CFI: variants seen among roughly 807,000 people sequenced by gnomAD.
CFI encodes the protein C3B/C4B inactivator.
In CFI, 66 loss-of-function variants were observed where a neutral mutation model predicts 78.8. That is an observed-to-expected ratio of 0.84 (90% CI 0.69 to 1.03). CFI has a LOEUF of 1.03. Among genes scored for constraint, CFI ranks in the 50% least tolerant of loss-of-function variants. The pLI, the probability that CFI is intolerant of heterozygous loss-of-function variation, is 0.00. For synonymous variants in CFI, 250 were observed against 232.6 expected (o/e 1.07, Z -0.68); for missense variants, 706 against 704.5 (o/e 1.00, Z -0.02).
In CFI at chr4:109,777,336, T is replaced by C. The variant is rs149354817; in HGVS notation, c.58-10512A>G. Among the ~76,000 whole-genome samples the C allele has an allele frequency of 9.8e-4, 149 of 152,164 alleles. 1 individual carries two copies. Among genetic ancestry groups the C allele is most frequent in the African/African-American group, 3.4e-3 (143 of 41,494 alleles). On this transcript the variant is annotated intron_variant, in intron 1 of 12. Transcript: ENST00000394634. ...AAAAAGGCAGGGGTTGCAATCCTAGTCTCGGATAAAACAGACTTTAAACCA... is the reference window on the plus strand; with the variant it reads ...AAAAAGGCAGGGGTTGCAATCCTAGCCTCGGATAAAACAGACTTTAAACCA...
At chr4:109,734,026 G>C in the CFI span, among the ~76,000 whole-genome samples, 4 of 152,162 alleles carry the variant, frequency 2.6e-5, no homozygotes, top group South Asian at 8.3e-4. Context: ...ACAAAAATTA[G>C]CCAGGCATGG....
At chr4:109,733,149 T>C in the CFI span, among the ~76,000 whole-genome samples, 1 of 152,018 alleles carries the variant, frequency 6.6e-6, no homozygotes, top group Non-Finnish European at 1.5e-5. Context: ...TTTTTTGTAT[T>C]TTTAGTAGCA....
chr4:109,749,572 T>G lies in CFI; in HGVS notation c.971A>C (p.Lys324Thr). ...ERRRIKSLLPKLSCGVKNRMH... is the reference protein window; with the variant it reads ...ERRRIKSLLPTLSCGVKNRMH... The stretch of plus-strand genomic sequence containing the variant: ...TCTGTTTTTAACTCCACAAGATAGT[T>G]TAGGTAATAATGATTTTATCCGTCT... Residue 324 changes from lysine to threonine, a missense_variant, in exon 9 of 13, where the codon AAA (lysine) becomes ACA (threonine). Transcript: ENST00000394634. 6.2e-7 allele frequency: 1 copy of G among 1,610,592 alleles called. No individual in the cohort carries two copies. The highest frequency in any genetic ancestry group is 8.5e-7 in the Non-Finnish European group (1 of 1,176,814).
intron 3 of CFI, 61 bp from the exon 4 acceptor site, chr4:109,761,753 T>C: frequency 7.3e-7 from 1 of 1,368,562 alleles, no homozygotes. Context: ...TTTATAACCC[T>C]ACTGTAGCAG....
chr4:109,761,822 A>G (rs1343697310), intron 3 of CFI, 130 bp from the exon 4 acceptor site: 1 of 751,578 alleles, frequency 1.3e-6, no homozygotes, highest in Non-Finnish European at 2.3e-6. Context: ...CTTGGGCAAG[A>G]TACCGAAACT....
At chr4:109,736,926 C>T (rs1469036999), downstream of CFI, among the ~76,000 whole-genome samples, 2 of 152,186 alleles carry the variant, frequency 1.3e-5, no homozygotes, top group African/African-American at 4.8e-5. Context: ...TACTCAGTGG[C>T]AACACCAATC....
chr4:109,760,707 G>T (rs968849744), intron 4 of CFI, 71 bp from the exon 5 acceptor site: 4 of 898,460 alleles, frequency 4.5e-6, no homozygotes, highest in Non-Finnish European at 5.7e-6. Context: ...TCAGATTTTT[G>T]GGATAATGGA....
chr4:109,741,151 C>T, intron 12 of CFI, 41 bp from the exon 13 acceptor site: 2 of 1,613,026 alleles, frequency 1.2e-6, no homozygotes, highest in Non-Finnish European at 1.7e-6. Flanking sequence ...ACATTTCCTT[C>T]CATTTTTCAA....
downstream of CFI, among the ~76,000 whole-genome samples, chr4:109,737,566 A>G (rs576875072): frequency 1.9e-4 from 29 of 152,270 alleles, no homozygotes; most frequent in African/African-American, 5.3e-4. Flanking sequence ...TCCACATCCA[A>G]TGAGTTGTGT....
intron 11 of CFI, among the ~76,000 whole-genome samples, 175 bp downstream of exon 11, chr4:109,746,047 G>A (rs984679003): frequency 6.6e-6 from 1 of 152,182 alleles, no homozygotes; most frequent in South Asian, 2.1e-4. Context: ...TGAGCATGGG[G>A]TGCTGGGCAG....
Position 109,742,583 on chromosome 4 carries a change from ACT to A in CFI, c.1440_1441del (p.Arg480SerfsTer8), listed in dbSNP as rs1283565272. The A allele has an allele frequency of 1.9e-6, 3 of 1,607,540 alleles. No individual in the cohort carries two copies. The highest frequency in any genetic ancestry group is 2.2e-5 in the South Asian group (2 of 90,958). The stretch of plus-strand genomic sequence containing the variant: ...AACTTCACCCCACTGAAGTGAAAAG[ACT>A]CTTTCGTTATCTAAACAAAGTGAGA... On this transcript the variant is annotated frameshift_variant, in exon 12 of 13. Coordinates refer to ENST00000394634, the MANE Select transcript of CFI (RefSeq NM_000204.5). LOFTEE classifies it high-confidence loss of function.
At chr4:109,791,897 A>G (rs755971550) in intron 1 of CFI, among the ~76,000 whole-genome samples, 1 of 152,136 alleles carries the variant, frequency 6.6e-6, no homozygotes, top group African/African-American at 2.4e-5. Flanking sequence ...AGTATTCACA[A>G]TTACCCTTGT....
intron 1 of CFI, among the ~76,000 whole-genome samples, chr4:109,799,634 T>C (rs561889926): frequency 7.2e-5 from 11 of 152,310 alleles, no homozygotes; most frequent in African/African-American, 2.4e-4. Context: ...GATAGGGTGA[T>C]AGAAGTGTGG....
intron 1 of CFI, among the ~76,000 whole-genome samples, chr4:109,790,142 G>C (rs1236427996): frequency 6.6e-6 from 1 of 151,906 alleles, no homozygotes; most frequent in Non-Finnish European, 1.5e-5. Flanking sequence ...ATTTCTGTAA[G>C]ATCAGTAGTA....
intron 1 of CFI, among the ~76,000 whole-genome samples, chr4:109,770,534 T>A (rs1728438731): frequency 7.5e-6 from 1 of 134,214 alleles, no homozygotes; most frequent in Non-Finnish European, 1.5e-5. Context: ...CCAACCTGGA[T>A]GACAGAGCGA....
At position 109,746,459 on chromosome 4, in the gene CFI, C is replaced by A; in HGVS notation, c.1192G>T (p.Asp398Tyr). The A allele has an allele frequency of 6.2e-7, 1 of 1,613,334 alleles. No individual in the cohort carries two copies. Among genetic ancestry groups the A allele is most frequent in the South Asian group, 1.1e-5 (1 of 91,004 alleles). The stretch of plus-strand genomic sequence containing the variant: ...CGTTTAAGGTCGGGGTGTATCCAGT[C>A]TACTACTGTTGTCCATATTTGGTAA... ...HRYQIWTTVV[D>Y]WIHPDLKRIV... Residue 398 changes from aspartate to tyrosine, a missense_variant, in exon 11 of 13, where the codon GAC (aspartate) becomes TAC (tyrosine). Transcript: ENST00000394634.
intron 1 of CFI, among the ~76,000 whole-genome samples, chr4:109,792,435 G>T (rs1268537239): frequency 2.0e-5 from 3 of 152,074 alleles, no homozygotes; most frequent in Non-Finnish European, 2.9e-5. Context: ...AATTAGCCGG[G>T]CGTGGTGGTG....
chr4:109,766,661 A>C lies in CFI; in HGVS notation c.221T>G (p.Val74Gly), dbSNP rs1293482511. The change falls in exon 2 of 13, where the codon GTG (valine) becomes GGG (glycine). Residue 74 changes from valine (V) to glycine (G), a missense_variant. Transcript: ENST00000394634. ...GAAGCTTCTCCTGTTAGTTGCACACACTGCAGTGCCATTCTTTGGGCACTG... is the reference window on the plus strand; with the variant it reads ...GAAGCTTCTCCTGTTAGTTGCACACCCTGCAGTGCCATTCTTTGGGCACTG... Reference protein sequence around the residue: ...PYQCPKNGTAVCATNRRSFPT... With the variant: ...PYQCPKNGTAGCATNRRSFPT... 2 of 1,614,188 alleles carry C rather than the reference A, an allele frequency of 1.2e-6. No individual in the cohort carries two copies. The highest frequency in any genetic ancestry group is 1.7e-5 in the Admixed American group (1 of 60,016).
At chr4:109,778,999 A>G (rs1201989869) in intron 1 of CFI, among the ~76,000 whole-genome samples, 1 of 152,198 alleles carries the variant, frequency 6.6e-6, no homozygotes, top group Non-Finnish European at 1.5e-5. Context: ...AATAAGAGCT[A>G]TTTATGACAA....
Sources: gnomAD v4.1 joint callset for allele counts (sites outside exome capture counted in the v4.1 genomes callset) on GRCh38, gnomAD v4.1.1 for gene constraint, MANE v1.5 for transcripts, NCBI Gene and HGNC (gene_info 2026-07-23, HGNC 2026-07-21) for gene names.